WWOX: variants seen among roughly 807,000 people sequenced by gnomAD.
WWOX encodes WW domain containing oxidoreductase.
A neutral mutation model predicts 46.2 loss-of-function variants in WWOX; 69 were observed. The observed-to-expected ratio is 1.49, with a 90% CI of 1.23 to 1.82. The LOEUF (loss-of-function observed/expected upper bound fraction) is 1.82, where lower values mean the gene tolerates loss of function less well. Ranked by LOEUF, WWOX falls within the 40% of genes most tolerant of loss-of-function variation. The pLI is 0.00. For synonymous variants in WWOX, 359 were observed against 202.6 expected, an observed-to-expected ratio of 1.77 and a Z score of -6.56; for missense variants, 919 against 542.6, an observed-to-expected ratio of 1.69 and a Z score of -6.89.
At chr16:79,210,507 G>A (rs2051691471) in intron 8 of WWOX, among the ~76,000 whole-genome samples, 1 of 152,148 alleles carries the variant, frequency 6.6e-6, no homozygotes, top group Non-Finnish European at 1.5e-5. Flanking sequence ...GTTCCTTAGT[G>A]TTTTCCTTGT....
intron 8 of WWOX, among the ~76,000 whole-genome samples, chr16:78,788,037 G>T (rs921179868): frequency 6.6e-6 from 1 of 152,100 alleles, no homozygotes; most frequent in Non-Finnish European, 1.5e-5. Context: ...ATATATTTTG[G>T]ATACTAGACC....
chr16:78,536,197 A>G (rs183338402), intron 8 of WWOX, among the ~76,000 whole-genome samples: 1 of 152,214 alleles, frequency 6.6e-6, no homozygotes, highest in East Asian at 1.9e-4. Flanking sequence ...GCATGGGTGT[A>G]ATTTGGTGCC....
intron 5 of WWOX, among the ~76,000 whole-genome samples, chr16:78,176,377 C>G (rs1236801135): frequency 6.6e-6 from 1 of 152,206 alleles, no homozygotes; most frequent in Non-Finnish European, 1.5e-5. Flanking sequence ...CGTGCAGACT[C>G]AGGAGCCAAG....
At chr16:78,857,079 T>A (rs1370441207) in intron 8 of WWOX, among the ~76,000 whole-genome samples, 1 of 152,260 alleles carries the variant, frequency 6.6e-6, no homozygotes, top group Non-Finnish European at 1.5e-5. Flanking sequence ...GGATCACCAT[T>A]GCATATGTGG....
chr16:78,730,126 G>C (rs2048934280), intron 8 of WWOX, among the ~76,000 whole-genome samples: 1 of 152,114 alleles, frequency 6.6e-6, no homozygotes, highest in African/African-American at 2.4e-5. Context: ...GGATTCCTTA[G>C]CTTTAGGGAA....
At chr16:78,103,442 C>G (rs988413519) in intron 1 of WWOX, among the ~76,000 whole-genome samples, 1 of 151,996 alleles carries the variant, frequency 6.6e-6, no homozygotes, top group Non-Finnish European at 1.5e-5. Flanking sequence ...TTGGCTGGCT[C>G]TCAGCTGGAG....
At chr16:78,762,933 C>A (rs561587512) in intron 8 of WWOX, among the ~76,000 whole-genome samples, 1 of 152,138 alleles carries the variant, frequency 6.6e-6, no homozygotes, top group Non-Finnish European at 1.5e-5. Flanking sequence ...GAGAACAGAA[C>A]GACAAACAAC....
At chr16:78,402,284 C>G (rs758312891) in intron 6 of WWOX, among the ~76,000 whole-genome samples, 1 of 152,078 alleles carries the variant, frequency 6.6e-6, no homozygotes, top group African/African-American at 2.4e-5. Flanking sequence ...TCTAGAGGTT[C>G]ATTTATGTTA....
intron 8 of WWOX, among the ~76,000 whole-genome samples, chr16:78,689,392 C>T (rs565275966): frequency 1.3e-5 from 2 of 152,216 alleles, no homozygotes; most frequent in South Asian, 2.1e-4. Context: ...CCATAATGTT[C>T]TGGGGCAACT....
At chr16:78,330,655 A>G (rs937603537) in intron 5 of WWOX, among the ~76,000 whole-genome samples, 10 of 152,344 alleles carry the variant, frequency 6.6e-5, no homozygotes, top group Admixed American at 3.9e-4. Context: ...TTGGCCTCCC[A>G]TAGTGCTGGG....
At chr16:78,563,559 G>A (rs1185739727) in intron 8 of WWOX, among the ~76,000 whole-genome samples, 1 of 134,682 alleles carries the variant, frequency 7.4e-6, no homozygotes. Flanking sequence ...TATTGCAATA[G>A]AACGTAAAGG....
At chr16:78,214,688 T>C (rs1281876405) in intron 5 of WWOX, among the ~76,000 whole-genome samples, 4 of 152,246 alleles carry the variant, frequency 2.6e-5, no homozygotes, top group African/African-American at 9.6e-5. Context: ...TCTTTCTTTG[T>C]AACCTTAATG....
intron 8 of WWOX, among the ~76,000 whole-genome samples, chr16:78,541,331 G>A (rs534606984): frequency 7.9e-5 from 12 of 151,054 alleles, no homozygotes; most frequent in Non-Finnish European, 1.3e-4. Flanking sequence ...AAAATTAGCC[G>A]GGCGTAGTGG....
At chr16:78,441,957 T>TAA (rs2083454062) in intron 8 of WWOX, among the ~76,000 whole-genome samples, 2 of 144,366 alleles carry the variant, frequency 1.4e-5, no homozygotes, top group African/African-American at 5.4e-5. Context: ...TATATGCGCA[T>TAA]GAGTGTGTGT....
intron 8 of WWOX, among the ~76,000 whole-genome samples, chr16:79,028,463 T>C (rs2047689429): frequency 6.6e-6 from 1 of 151,708 alleles, no homozygotes; most frequent in Admixed American, 6.6e-5. Context: ...TACTGAAGAG[T>C]TGATAAAAAA....
At chr16:78,304,612 G>A (rs75729871) in intron 5 of WWOX, among the ~76,000 whole-genome samples, 4 of 152,244 alleles carry the variant, frequency 2.6e-5, no homozygotes, top group East Asian at 3.9e-4. Flanking sequence ...ATATATACGC[G>A]TGCTGCTTCA....
intron 8 of WWOX, among the ~76,000 whole-genome samples, chr16:78,639,388 C>A (rs1403242875): frequency 1.3e-5 from 2 of 152,112 alleles, no homozygotes; most frequent in African/African-American, 4.8e-5. Flanking sequence ...CCTGTGGGCT[C>A]AGAATTATTC....
chr16:79,016,855 C>T (rs1187894020), intron 8 of WWOX: 7 of 152,146 alleles, frequency 4.6e-5, no homozygotes, highest in African/African-American at 7.2e-5. Context: ...AACTGAGTTT[C>T]GATAACGCCC....
intron 5 of WWOX, among the ~76,000 whole-genome samples, chr16:78,204,148 A>T (rs1019253632): frequency 6.6e-6 from 1 of 152,236 alleles, no homozygotes; most frequent in African/African-American, 2.4e-5. Flanking sequence ...GAGCCATAGC[A>T]GCTGGCTTCC....
Sources: gnomAD v4.1 joint callset for allele counts (sites outside exome capture counted in the v4.1 genomes callset) on GRCh38, gnomAD v4.1.1 for gene constraint, MANE v1.5 for transcripts, NCBI Gene and HGNC (gene_info 2026-07-23, HGNC 2026-07-21) for gene names.